Variants in UTRN observed in about 807,000 individuals in gnomAD.
UTRN encodes utrophin, also known as dystrophin-related protein 1.
UTRN carries 283 observed loss-of-function variants against 463.9 expected under a neutral mutation model. The ratio of observed to expected loss-of-function variants is 0.61; its 90% CI spans 0.55 to 0.67. UTRN has a LOEUF of 0.67. Ranked by LOEUF, UTRN falls within the 30% of genes least tolerant of loss-of-function variation. The pLI is 0.00. For synonymous variants in UTRN, 1,442 were observed against 1,431.5 expected (o/e 1.01, Z -0.17); for missense variants, 3,922 against 4,084.3 (o/e 0.96, Z 1.08).
intron 13 of UTRN, among the ~76,000 whole-genome samples, chr6:144,443,111 G>A (rs1243053988): frequency 2.0e-5 from 3 of 152,156 alleles, no homozygotes; most frequent in Non-Finnish European, 4.4e-5. Context: ...ATCTTTACAA[G>A]TCTTTAACAG....
intron 13 of UTRN, among the ~76,000 whole-genome samples, chr6:144,443,597 A>T (rs1204631627): frequency 1.3e-5 from 2 of 152,058 alleles, no homozygotes. Flanking sequence ...TAAAATTGTA[A>T]TAAAATGATT....
At chr6:144,426,165 C>G in intron 6 of UTRN, 122 bp from the exon 7 acceptor site, 1 of 1,205,166 alleles carries the variant, frequency 8.3e-7, no homozygotes. Context: ...AAAATGAATG[C>G]CAGTTACCTG....
At position 144,586,770 on chromosome 6, in the gene UTRN, G is replaced by A. The variant is rs573194093; in HGVS notation, c.7479+9482G>A. ...AGCAGTTTCCTGTAAAGTAGATTGGGATATGAACATTATAGAAAAATGAGA... is the reference window on the plus strand; with the variant it reads ...AGCAGTTTCCTGTAAAGTAGATTGGAATATGAACATTATAGAAAAATGAGA... On this transcript the variant is annotated intron_variant, in intron 51 of 74. Coordinates refer to ENST00000367545, the MANE Select transcript of UTRN (RefSeq NM_007124.3). 2.6e-5 allele frequency among the ~76,000 whole-genome samples: 4 copies of A among 152,074 alleles called. No individual in the cohort carries two copies. In the East Asian group the frequency reaches 7.7e-4, roughly 29 times the overall value.
chr6:144,702,510 G>A (rs560558506), intron 53 of UTRN, among the ~76,000 whole-genome samples: 2 of 152,218 alleles, frequency 1.3e-5, no homozygotes, highest in East Asian at 3.9e-4. Flanking sequence ...TGTGAGAGAT[G>A]GACACTAGAC....
chr6:144,799,246 G>T, intron 64 of UTRN: 1 of 335,452 alleles, frequency 3.0e-6, no homozygotes, highest in South Asian at 2.4e-5. Context: ...TCTGTGGATG[G>T]CTAACATAAG....
At chr6:144,638,447 A>C (rs552023761) in intron 51 of UTRN, among the ~76,000 whole-genome samples, 13 of 152,180 alleles carry the variant, frequency 8.5e-5, no homozygotes, top group African/African-American at 3.1e-4. Context: ...GCTTATCTCT[A>C]GGGCCTGGAT....
intron 51 of UTRN, among the ~76,000 whole-genome samples, chr6:144,610,375 A>G (rs1050305146): frequency 1.5e-4 from 23 of 152,196 alleles, no homozygotes; most frequent in African/African-American, 5.5e-4. Flanking sequence ...ATCATGAAGA[A>G]GGAGAAAACC....
At chr6:144,673,682 T>G (rs1781285236) in intron 51 of UTRN, among the ~76,000 whole-genome samples, 1 of 152,186 alleles carries the variant, frequency 6.6e-6, no homozygotes, top group African/African-American at 2.4e-5. Context: ...CTATTCCTTA[T>G]GCTGGTTGCT....
intron 53 of UTRN, among the ~76,000 whole-genome samples, chr6:144,715,288 A>C (rs1208997654): frequency 6.6e-6 from 1 of 152,192 alleles, no homozygotes; most frequent in Non-Finnish European, 1.5e-5. Flanking sequence ...TCAGTCTGTT[A>C]GGAAATCCTG....
In UTRN at chr6:144,445,951, C is replaced by T. The variant is rs113597408; in HGVS notation, c.1615-1260C>T. Among the ~76,000 whole-genome samples, 473 of 152,174 alleles carry T rather than the reference C, an allele frequency of 3.1e-3. 1 individual carries two copies. The highest frequency in any genetic ancestry group is 0.011 in the African/African-American group (443 of 41,514). ...TATGGAGGCAGGAGAATTGCTTGAA[C>T]CCAGGAAGCAGAGGTTGCAGTGATC... On this transcript the variant is annotated intron_variant, in intron 14 of 74. Coordinates refer to ENST00000367545, the MANE Select transcript of UTRN (RefSeq NM_007124.3).
intron 34 of UTRN, among the ~76,000 whole-genome samples, chr6:144,503,021 A>T (rs1033859575): frequency 6.6e-6 from 1 of 152,008 alleles, no homozygotes; most frequent in East Asian, 1.9e-4. Flanking sequence ...GCTTTTTTTC[A>T]TATGTTTTTT....
At chr6:144,835,423 A>T (rs1781020746) in intron 69 of UTRN, among the ~76,000 whole-genome samples, 1 of 152,246 alleles carries the variant, frequency 6.6e-6, no homozygotes, top group South Asian at 2.1e-4. Context: ...TTCTTAATTC[A>T]GTAGTCTTTT....
intron 61 of UTRN, among the ~76,000 whole-genome samples, chr6:144,785,939 T>C (rs1460598164): frequency 6.6e-6 from 1 of 152,256 alleles, no homozygotes; most frequent in African/African-American, 2.4e-5. Flanking sequence ...AGCAATAGTC[T>C]GTAGTACTTG....
At chr6:144,649,921 A>T (rs1477385924) in intron 51 of UTRN, among the ~76,000 whole-genome samples, 3 of 152,284 alleles carry the variant, frequency 2.0e-5, no homozygotes, top group African/African-American at 7.2e-5. Flanking sequence ...AGGAATGATG[A>T]CGTGAAGAAA....
At chr6:144,465,246 A>G (rs534449194) in intron 23 of UTRN, among the ~76,000 whole-genome samples, 4 of 152,190 alleles carry the variant, frequency 2.6e-5, no homozygotes, top group Non-Finnish European at 4.4e-5. Context: ...TCTTAAAAGT[A>G]TATCTTAGGG....
intron 17 of UTRN, among the ~76,000 whole-genome samples, chr6:144,449,838 A>G (rs1278096320): frequency 6.6e-6 from 1 of 152,052 alleles, no homozygotes; most frequent in Non-Finnish European, 1.5e-5. Context: ...TCCCAGCCTC[A>G]CCCTTTGTTA....
At chr6:144,573,470 G>A (rs1032101791) in intron 50 of UTRN, among the ~76,000 whole-genome samples, 6 of 151,990 alleles carry the variant, frequency 3.9e-5, no homozygotes, top group Non-Finnish European at 5.9e-5. Flanking sequence ...GAGGCGGGCC[G>A]ATCACCTGAG....
At chr6:144,477,685 A>G (rs1791377454) in intron 25 of UTRN, among the ~76,000 whole-genome samples, 1 of 152,150 alleles carries the variant, frequency 6.6e-6, no homozygotes, top group Non-Finnish European at 1.5e-5. Context: ...CCACAATACT[A>G]TGATCACACT....
At chr6:144,605,795 T>A (rs1002710722) in intron 51 of UTRN, among the ~76,000 whole-genome samples, 1 of 152,120 alleles carries the variant, frequency 6.6e-6, no homozygotes, top group African/African-American at 2.4e-5. Context: ...CTAAGTTTCC[T>A]GATATCTGGG....
Sources: allele counts gnomAD v4.1 joint callset (sites outside exome capture counted in the v4.1 genomes callset), GRCh38; gene constraint gnomAD v4.1.1; transcripts MANE v1.5; gene names NCBI Gene and HGNC (gene_info 2026-07-23, HGNC 2026-07-21).